Variants in ACSL3 observed in about 807,000 individuals in gnomAD.
ACSL3 encodes acyl-CoA synthetase long chain family member 3, also known as fatty acid CoA ligase Acsl3.
Under a neutral mutation model 84.7 loss-of-function variants are expected in ACSL3, and 34 were observed. That is an observed-to-expected ratio of 0.40 (90% CI 0.31 to 0.53). ACSL3 has a LOEUF of 0.53. Ranked by LOEUF, ACSL3 falls within the 20% of genes least tolerant of loss-of-function variation. The pLI, the probability that ACSL3 is intolerant of heterozygous loss-of-function variation, is 0.48. For synonymous variants in ACSL3, 315 were observed against 299.4 expected (o/e 1.05, Z -0.54); for missense variants, 680 against 873.1 (o/e 0.78, Z 2.79).
At chr2:222,911,910 T>A (rs949675918) in intron 4 of ACSL3, among the ~76,000 whole-genome samples, 4 of 152,222 alleles carry the variant, frequency 2.6e-5, no homozygotes, top group South Asian at 2.1e-4. Context: ...GACTGTTTTT[T>A]AGCAACTTTT....
intron 4 of ACSL3, among the ~76,000 whole-genome samples, chr2:222,912,004 C>G (rs1018078655): frequency 5.9e-5 from 9 of 152,206 alleles, no homozygotes; most frequent in African/African-American, 1.9e-4. Flanking sequence ...GATCTGCCTA[C>G]TAGCATTTGC....
intron 2 of ACSL3, among the ~76,000 whole-genome samples, chr2:222,893,056 G>T (rs1289548126): frequency 6.6e-6 from 1 of 152,182 alleles, no homozygotes; most frequent in Non-Finnish European, 1.5e-5. Context: ...ATGAACAGTT[G>T]TATAGTATTG....
At chr2:222,890,086 T>C (rs1695808037) in intron 2 of ACSL3, among the ~76,000 whole-genome samples, 1 of 152,244 alleles carries the variant, frequency 6.6e-6, no homozygotes, top group South Asian at 2.1e-4. Flanking sequence ...TACTTAACCT[T>C]TACATAGTAC....
intron 4 of ACSL3, among the ~76,000 whole-genome samples, chr2:222,914,052 G>T (rs900053268): frequency 6.6e-6 from 1 of 152,160 alleles, no homozygotes; most frequent in African/African-American, 2.4e-5. Context: ...ATCTTCAGTT[G>T]CAGAGAGAAT....
At chr2:222,911,202 A>G (rs1696432092) in intron 4 of ACSL3, among the ~76,000 whole-genome samples, 1 of 152,150 alleles carries the variant, frequency 6.6e-6, no homozygotes, top group African/African-American at 2.4e-5. Flanking sequence ...GGCATGCGCC[A>G]CCACGTCCGG....
At chr2:222,867,517 A>G (rs1286464306) in intron 1 of ACSL3, among the ~76,000 whole-genome samples, 1 of 152,140 alleles carries the variant, frequency 6.6e-6, no homozygotes, top group Non-Finnish European at 1.5e-5. Context: ...TACTGCATGT[A>G]TTCTTGTTCA....
rs750435669 is a variant in ACSL3 at position 222,928,945 on chromosome 2, CTA to C, written c.1540+11_1540+12del. 1 of 1,604,448 alleles carries C rather than the reference CTA, an allele frequency of 6.2e-7. No homozygotes were observed. Reference sequence around the variant, plus strand: ...AAAAAACTGGGAGGAAGGTAATAAACTATTTTAACCACAGAGCATTAATTTTT... The same window carrying C: ...AAAAAACTGGGAGGAAGGTAATAAACTTTTAACCACAGAGCATTAATTTTT... On this transcript the variant is annotated intron_variant, in intron 13 of 16. Transcript: ENST00000357430.
At chr2:222,892,603 A>G (rs950239156) in intron 2 of ACSL3, among the ~76,000 whole-genome samples, 1 of 152,152 alleles carries the variant, frequency 6.6e-6, no homozygotes, top group Admixed American at 6.5e-5. Flanking sequence ...TAGAGTGTGT[A>G]TGACTGTCAC....
intron 3 of ACSL3, among the ~76,000 whole-genome samples, chr2:222,908,516 C>A (rs1044974486): frequency 6.6e-6 from 1 of 152,076 alleles, no homozygotes; most frequent in African/African-American, 2.4e-5. Flanking sequence ...TTGGAACAGC[C>A]GCCTGTTTAC....
rs141580441 is a variant in ACSL3, at chr2:222,863,619, A to C, written c.-207+2361A>C. 4.8e-3 allele frequency among the ~76,000 whole-genome samples: 726 copies of C among 152,218 alleles called. 9 individuals carry two copies. Among genetic ancestry groups the C allele is most frequent in the African/African-American group, 0.017 (689 of 41,520 alleles). On this transcript the variant is annotated intron_variant, in intron 1 of 16. Transcript: ENST00000357430. ...ATATTGGATTTAGATTTTTTTTAGG[A>C]AAGCTAGGCCAAGGGTGATAGGCTT...
chr2:222,892,273 T>C (rs1181913625), intron 2 of ACSL3, among the ~76,000 whole-genome samples: 1 of 152,238 alleles, frequency 6.6e-6, no homozygotes, highest in Non-Finnish European at 1.5e-5. Context: ...GGTCTGCTTT[T>C]TTTCGGGAGG....
intron 3 of ACSL3, among the ~76,000 whole-genome samples, chr2:222,905,396 A>G (rs1696267515): frequency 6.6e-6 from 1 of 152,214 alleles, no homozygotes; most frequent in Non-Finnish European, 1.5e-5. Context: ...GCTGGGCTCA[A>G]GCAATCCGCC....
At position 222,912,200 on chromosome 2, in the gene ACSL3, C is replaced by T. The variant is rs182092704; in HGVS notation, c.378+3050C>T. 1.2e-3 allele frequency among the ~76,000 whole-genome samples: 178 copies of T among 152,318 alleles called. 1 individual carries two copies. The highest frequency in any genetic ancestry group is 2.1e-4 in the South Asian group (1 of 4,828). Reference sequence around the variant, plus strand: ...TACTCAAGAAGAAAGTGTGCAGTGTCGCTGGTTAGCTGAGGCTTTAGTTTC... The same window carrying T: ...TACTCAAGAAGAAAGTGTGCAGTGTTGCTGGTTAGCTGAGGCTTTAGTTTC... On this transcript the variant is annotated intron_variant, in intron 4 of 16. Transcript: ENST00000357430.
intron 16 of ACSL3, among the ~76,000 whole-genome samples, chr2:222,936,924 C>T (rs762614858): frequency 6.6e-6 from 1 of 152,096 alleles, no homozygotes; most frequent in Non-Finnish European, 1.5e-5. Flanking sequence ...TGAGGTCTCA[C>T]TCACCATCAC....
chr2:222,914,905 T>C (rs1414161107), intron 4 of ACSL3, among the ~76,000 whole-genome samples: 1 of 152,246 alleles, frequency 6.6e-6, no homozygotes, highest in Non-Finnish European at 1.5e-5. Flanking sequence ...CAGATTTCGT[T>C]TTATATTTTA....
intron 11 of ACSL3, among the ~76,000 whole-genome samples, chr2:222,925,955 A>G (rs1276722693): frequency 6.6e-6 from 1 of 152,354 alleles, no homozygotes; most frequent in East Asian, 1.9e-4. Flanking sequence ...TAATATTAAT[A>G]TAGTTTTCAG....
At chr2:222,891,841 G>C (rs556032375) in intron 2 of ACSL3, among the ~76,000 whole-genome samples, 85 of 152,048 alleles carry the variant, frequency 5.6e-4, no homozygotes, top group African/African-American at 1.8e-3. Flanking sequence ...AATAAATATA[G>C]GCTTTATAGT....
intron 4 of ACSL3, among the ~76,000 whole-genome samples, chr2:222,910,840 C>CT (rs1696421950): frequency 6.6e-6 from 1 of 152,134 alleles, no homozygotes; most frequent in South Asian, 2.1e-4. Context: ...ATTTTTAAGA[C>CT]ATATTCCCTA....
intron 14 of ACSL3, 108 bp downstream of exon 14, chr2:222,930,920 T>C: frequency 9.8e-7 from 1 of 1,017,762 alleles, no homozygotes; most frequent in Non-Finnish European, 1.4e-6. Context: ...TTATGTAATC[T>C]TAGTTTGGGT....
Sources: allele counts gnomAD v4.1 joint callset (sites outside exome capture counted in the v4.1 genomes callset), GRCh38; gene constraint gnomAD v4.1.1; transcripts MANE v1.5; gene names NCBI Gene and HGNC (gene_info 2026-07-23, HGNC 2026-07-21).